LRMDA: variants seen among roughly 807,000 people sequenced by gnomAD.
LRMDA encodes the protein leucine-rich melanocyte differentiation-associated protein.
In LRMDA, 18 loss-of-function variants were observed where a neutral mutation model predicts 29.8. The observed-to-expected ratio is 0.60, with a 90% CI of 0.42 to 0.90. The LOEUF is 0.90. Ranked by LOEUF, LRMDA falls within the 40% of genes least tolerant of loss-of-function variation. The probability of loss-of-function intolerance (pLI) is 0.00; values close to 1 mark genes in which losing one functional copy is unlikely to be tolerated. For synonymous variants in LRMDA, 125 were observed against 109.4 expected, an observed-to-expected ratio of 1.14 and a Z score of -0.89; for missense variants, 273 against 273.9, an observed-to-expected ratio of 1.00 and a Z score of 0.02.
intron 2 of LRMDA, among the ~76,000 whole-genome samples, chr10:75,625,437 G>A (rs1841238436): frequency 6.6e-6 from 1 of 152,146 alleles, no homozygotes; most frequent in Non-Finnish European, 1.5e-5. Context: ...GCACTGTACT[G>A]CATCTCAGAA....
chr10:75,461,399 G>A (rs1401509261), intron 2 of LRMDA, among the ~76,000 whole-genome samples: 1 of 152,118 alleles, frequency 6.6e-6, no homozygotes, highest in Non-Finnish European at 1.5e-5. Context: ...TGGAAGGCAG[G>A]AAAAAATCAG....
chr10:75,847,644 C>A (rs1170672972), intron 2 of LRMDA, among the ~76,000 whole-genome samples: 2 of 151,998 alleles, frequency 1.3e-5, no homozygotes, highest in African/African-American at 4.8e-5. Flanking sequence ...TTCTACAATT[C>A]TATAACAAAA....
chr10:76,213,053 C>T (rs959494180), intron 5 of LRMDA, among the ~76,000 whole-genome samples: 2 of 152,176 alleles, frequency 1.3e-5, no homozygotes, highest in Admixed American at 1.3e-4. Context: ...TTGCATCTCA[C>T]CCCAAAAACG....
At chr10:76,200,060 C>G (rs942470440) in intron 5 of LRMDA, among the ~76,000 whole-genome samples, 17 of 152,186 alleles carry the variant, frequency 1.1e-4, no homozygotes, top group African/African-American at 3.4e-4. Context: ...CTCCCAGGCT[C>G]AAGTGATCCT....
At chr10:76,145,339 A>G (rs913439284) in intron 5 of LRMDA, among the ~76,000 whole-genome samples, 15 of 152,102 alleles carry the variant, frequency 9.9e-5, no homozygotes, top group Admixed American at 2.6e-4. Context: ...TTTGGTTGGT[A>G]AGCTATTGAT....
chr10:76,402,178 A>G (rs1841856343), intron 6 of LRMDA: 1 of 152,094 alleles, frequency 6.6e-6, no homozygotes, highest in Non-Finnish European at 1.5e-5. Context: ...TTCCAGGAAT[A>G]TGGGGCAGTT....
chr10:75,879,182 C>T (rs372661823), intron 2 of LRMDA, among the ~76,000 whole-genome samples: 3 of 152,276 alleles, frequency 2.0e-5, no homozygotes, highest in South Asian at 4.1e-4. Context: ...AGGGTGGTGG[C>T]GGCGTGAGGA....
At chr10:75,977,301 T>C (rs2132445389) in intron 2 of LRMDA, among the ~76,000 whole-genome samples, 1 of 152,298 alleles carries the variant, frequency 6.6e-6, no homozygotes, top group East Asian at 1.9e-4. Flanking sequence ...CAATATGCTT[T>C]TCGTAATGTT....
intron 2 of LRMDA, among the ~76,000 whole-genome samples, chr10:75,537,663 AGCTTGGGTT>A (rs1363905151): frequency 7.2e-5 from 11 of 152,190 alleles, no homozygotes; most frequent in African/African-American, 2.7e-4. Flanking sequence ...TATTGAAGTG[AGCTTGGGTT>A]GCTTGGGGGC....
At chr10:76,314,221 C>T (rs10824395) in intron 5 of LRMDA, among the ~76,000 whole-genome samples, 14,291 of 152,120 alleles carry the variant, frequency 0.094, 1,049 homozygotes, top group African/African-American at 0.2. Context: ...CATTAGGCTA[C>T]GACACAACAT....
intron 5 of LRMDA, among the ~76,000 whole-genome samples, chr10:76,153,877 G>C (rs551601108): frequency 6.6e-6 from 1 of 152,306 alleles, no homozygotes; most frequent in African/African-American, 2.4e-5. Context: ...CTATTCCTGA[G>C]ACTTGGCTAG....
At chr10:75,465,415 A>G (rs2132040892) in intron 2 of LRMDA, among the ~76,000 whole-genome samples, 1 of 152,354 alleles carries the variant, frequency 6.6e-6, no homozygotes, top group Middle Eastern at 3.4e-3. Flanking sequence ...GACACAGGCC[A>G]GATCCACATG....
chr10:75,892,783 C>T (rs754759595), intron 2 of LRMDA, among the ~76,000 whole-genome samples: 4 of 152,070 alleles, frequency 2.6e-5, no homozygotes, highest in Non-Finnish European at 5.9e-5. Flanking sequence ...TTCTCAGGGG[C>T]CTAAGGAATC....
chr10:76,214,896 G>C (rs1435471185), intron 5 of LRMDA, among the ~76,000 whole-genome samples: 2 of 152,208 alleles, frequency 1.3e-5, no homozygotes, highest in Non-Finnish European at 2.9e-5. Flanking sequence ...TGAATGAAGT[G>C]CTGGGAACAG....
intron 2 of LRMDA, among the ~76,000 whole-genome samples, chr10:75,933,847 T>C (rs1244897752): frequency 6.6e-6 from 1 of 152,148 alleles, no homozygotes; most frequent in Non-Finnish European, 1.5e-5. Flanking sequence ...CATTTGCCTG[T>C]ATAAGGGTTG....
intron 6 of LRMDA, among the ~76,000 whole-genome samples, chr10:76,354,070 A>C (rs1841210336): frequency 6.6e-6 from 1 of 152,164 alleles, no homozygotes; most frequent in Admixed American, 6.5e-5. Flanking sequence ...CCTGCCTTCA[A>C]CATCCCAATG....
At chr10:76,250,673 G>A (rs1852462466) in intron 5 of LRMDA, among the ~76,000 whole-genome samples, 1 of 152,102 alleles carries the variant, frequency 6.6e-6, no homozygotes, top group African/African-American at 2.4e-5. Context: ...TTTGAATTTG[G>A]TTTCCCCCTT....
chr10:76,534,094 T>C (rs11001808), intron 6 of LRMDA, among the ~76,000 whole-genome samples: 63,518 of 152,036 alleles, frequency 0.42, 14,407 homozygotes, highest in African/African-American at 0.56. Context: ...AGTATTATGT[T>C]TGGTACATAG....
At chr10:75,597,606 T>A (rs925247924) in intron 2 of LRMDA, among the ~76,000 whole-genome samples, 1 of 152,212 alleles carries the variant, frequency 6.6e-6, no homozygotes, top group Non-Finnish European at 1.5e-5. Flanking sequence ...CATATCAGTC[T>A]AAAATGAAAC....
Sources: gnomAD v4.1 joint callset for allele counts (sites outside exome capture counted in the v4.1 genomes callset) on GRCh38, gnomAD v4.1.1 for gene constraint, MANE v1.5 for transcripts, NCBI Gene and HGNC (gene_info 2026-07-23, HGNC 2026-07-21) for gene names.